The following ANO7 variants were observed in gnomAD, a reference collection of about 807,000 sequenced individuals.
ANO7 encodes anoctamin-7.
ANO7 carries 114 observed loss-of-function variants against 115.8 expected under a neutral mutation model. The ratio of observed to expected loss-of-function variants is 0.98; its 90% CI spans 0.85 to 1.15. The LOEUF is 1.15. Ranked by LOEUF, ANO7 falls within the 50% of genes most tolerant of loss-of-function variation. The pLI is 0.00. For synonymous variants in ANO7, 550 were observed against 498.2 expected (o/e 1.10, Z -1.38); for missense variants, 1,302 against 1,201.2 (o/e 1.08, Z -1.24).
Position 241,210,519 on chromosome 2 carries a change from C to T in ANO7, c.1510C>T (p.Leu504Phe). The change falls in exon 15 of 25, where the codon CTC becomes TTC. Residue 504 changes from leucine to phenylalanine, a missense_variant. Physicochemically the swap from Leu to Phe is conservative, Grantham distance 22. Coordinates refer to ENST00000674324, the MANE Select transcript of ANO7 (RefSeq NM_001370694.2). ...TGSVVNLVFI[L>F]ILSKIYVSLA... is the part of the protein sequence containing the mutation. ...GTCTGTAGTGAACCTCGTCTTCATC[C>T]TCATCCTCTCCAAGATCTATGTATC... The T allele has an allele frequency of 1.2e-6, 2 of 1,614,096 alleles. No homozygotes were observed. The highest frequency in any genetic ancestry group is 1.7e-6 in the Non-Finnish European group (2 of 1,180,010).
Position 241,188,927 on chromosome 2 carries a change from G to A in ANO7, c.-8+161G>A, listed in dbSNP as rs78248614. ...TGGTCCCCAAAGCCCCTTGGGGCAC[G>A]AGGAGGGACACACACTCAGTGCGGC... On this transcript the variant is annotated intron_variant, in intron 1 of 24. Coordinates refer to ENST00000674324, the MANE Select transcript of ANO7 (RefSeq NM_001370694.2). The surrounding 1 kb of genome is among the most constrained non-coding windows in gnomAD (Gnocchi z 4.3). Among the ~76,000 whole-genome samples, 193 of 152,338 alleles carry A rather than the reference G, an allele frequency of 1.3e-3. 1 individual carries two copies. The highest frequency in any genetic ancestry group is 0.013 in the South Asian group (61 of 4,830).
At position 241,204,178 on chromosome 2, in the gene ANO7, G is replaced by T. The variant is rs578105920; in HGVS notation, c.889+680G>T. On this transcript the variant is annotated intron_variant, in intron 9 of 24. Transcript: ENST00000674324. ...GACTCACCCGGCCATCTCAGGACCTGGAGCAGCAACCCTGGGACAGCACGG... is the reference window on the plus strand; with the variant it reads ...GACTCACCCGGCCATCTCAGGACCTTGAGCAGCAACCCTGGGACAGCACGG... 5.3e-5 allele frequency among the ~76,000 whole-genome samples: 8 copies of T among 152,322 alleles called. No individual in the cohort carries two copies. In the South Asian group the frequency reaches 1.7e-3, roughly 32 times the overall value.
chr2:241,209,424 C>A lies in ANO7; in HGVS notation c.1217C>A (p.Thr406Asn). ...YRWDCSDYED[T>N]EERPRPQFAA... ...TGGGACTGCTCTGACTACGAGGACACTGAGGTGAGCCACCCCCGCTGGACC... is the reference window on the plus strand; with the variant it reads ...TGGGACTGCTCTGACTACGAGGACAATGAGGTGAGCCACCCCCGCTGGACC... Residue 406 changes from threonine (T) to asparagine (N), a missense_variant, in exon 12 of 25, where the codon ACT (threonine) becomes AAT (asparagine). Thr to Asn is a moderately conservative substitution (Grantham distance 65). Transcript: ENST00000674324. The A allele has an allele frequency of 6.3e-7, 1 of 1,592,860 alleles. No homozygotes were observed. The highest frequency in any genetic ancestry group is 8.5e-7 in the Non-Finnish European group (1 of 1,171,032).
intron 2 of ANO7, 148 bp downstream of exon 2, chr2:241,190,319 C>T: frequency 1.5e-6 from 1 of 665,736 alleles, no homozygotes; most frequent in East Asian, 2.8e-5. Context: ...GCCCTCGCCA[C>T]CCAGTCCTCA....
Position 241,195,743 on chromosome 2 carries a change from C to T in ANO7, c.207C>T (p.Asp69=), listed in dbSNP as rs757100282. 7.4e-6 allele frequency: 12 copies of T among 1,614,130 alleles called. No individual in the cohort carries two copies. The highest frequency in any genetic ancestry group is 1.6e-4 in the Middle Eastern group (1 of 6,084). Residue 69 remains aspartate (D), a synonymous_variant, in exon 4 of 25, where the codon GAC becomes GAT. Coordinates refer to ENST00000674324, the MANE Select transcript of ANO7 (RefSeq NM_001370694.2). ...VLVWEEDLKL[D]RQQDSAARDR... is the part of the protein sequence containing the mutation. ...TTTGGGAGGAGGACCTGAAGCTAGA[C>T]AGGCAGCAGGACAGTGCCGCCCGGG...
chr2:241,223,261 C>T lies in ANO7; in HGVS notation c.2397C>T (p.Phe799=), dbSNP rs146725594. The T allele has an allele frequency of 1.1e-5, 18 of 1,614,224 alleles. No individual in the cohort carries two copies. Among genetic ancestry groups the T allele is most frequent in the Middle Eastern group, 1.6e-4 (1 of 6,062 alleles). The change falls in exon 22 of 25, where the codon TTC becomes TTT. Residue 799 remains phenylalanine, a synonymous_variant. Transcript: ENST00000674324. ...ATCTTCTTGCCATCCGCCTGGCCTT[C>T]GTCATTGTGTTTGAGGTAGCCGAGG... ...YWNLLAIRLA[F]VIVFEHVVFS...
downstream of ANO7, chr2:241,228,134 C>G (rs1184594428): frequency 6.6e-6 from 1 of 152,318 alleles, no homozygotes; most frequent in Non-Finnish European, 1.5e-5. Context: ...GCGGAAGCGA[C>G]TGTCCCCAGG....
intron 17 of ANO7, among the ~76,000 whole-genome samples, chr2:241,214,269 G>A (rs971511656): frequency 5.3e-5 from 8 of 152,326 alleles, no homozygotes; most frequent in East Asian, 3.9e-4. Context: ...TCAGGGCTAC[G>A]CGGGCTTAGG....
chr2:241,232,815 T>C, the ANO7 span, among the ~76,000 whole-genome samples: 2 of 151,502 alleles, frequency 1.3e-5, no homozygotes, highest in African/African-American at 4.9e-5. Flanking sequence ...ACTATCTCTC[T>C]CAAAAAAAAG....
At chr2:241,240,148 A>G in the ANO7 span, 2 of 1,607,928 alleles carry the variant, frequency 1.2e-6, no homozygotes, top group Non-Finnish European at 1.7e-6. This position sits in a 1 kb window ranked among gnomAD's most constrained non-coding sequence, Gnocchi z 5.5. Flanking sequence ...CCACTGTGTT[A>G]GCCTGACACC....
At position 241,217,891 on chromosome 2, in the gene ANO7, C is replaced by A; in HGVS notation, c.2178C>A (p.Asn726Lys). 1 of 1,548,808 alleles carries A rather than the reference C, an allele frequency of 6.5e-7. No homozygotes were observed. Among genetic ancestry groups the A allele is most frequent in the Non-Finnish European group, 8.7e-7 (1 of 1,153,362 alleles). Reference protein sequence around the residue: ...AGLTHLAVISNAFLLAFSSDF... With the variant: ...AGLTHLAVISKAFLLAFSSDF... ...TCACGCACCTGGCGGTCATCAGCAACGTGAGGCCCGGGCGGGAGCGCGGGG... is the reference window on the plus strand; with the variant it reads ...TCACGCACCTGGCGGTCATCAGCAAAGTGAGGCCCGGGCGGGAGCGCGGGG... Residue 726 changes from asparagine (N) to lysine (K), a missense_variant and splice_region_variant, in exon 20 of 25, where the codon AAC becomes AAA. Coordinates refer to ENST00000674324, the MANE Select transcript of ANO7 (RefSeq NM_001370694.2).
chr2:241,207,742 T>TG, intron 11 of ANO7, 72 bp downstream of exon 11: 3 of 1,410,744 alleles, frequency 2.1e-6, no homozygotes, highest in Non-Finnish European at 3.0e-6. Flanking sequence ...CTTGTCCTGG[T>TG]CCTGACTCTG....
At chr2:241,232,536 A>G in the ANO7 span, among the ~76,000 whole-genome samples, 1 of 152,208 alleles carries the variant, frequency 6.6e-6, no homozygotes, top group Non-Finnish European at 1.5e-5. Context: ...TCGGCCTCCA[A>G]AAGTGTTGGG....
Position 241,217,672 on chromosome 2 carries a change from C to T in ANO7, c.1973-14C>T, listed in dbSNP as rs111770284. The T allele has an allele frequency of 0.17, 261,994 of 1,567,634 alleles. 23,235 individuals carry two copies. The highest frequency in any genetic ancestry group is 0.18 in the Non-Finnish European group (211,549 of 1,157,422). The stretch of plus-strand genomic sequence containing the variant: ...ACGGTGGCGGAGAGCCCGGCCGTGA[C>T]CCCCTCCCCGCAGTGCTGCAGTTCG... On this transcript the variant is annotated splice_polypyrimidine_tract_variant and intron_variant, in intron 19 of 24. Coordinates refer to ENST00000674324, the MANE Select transcript of ANO7 (RefSeq NM_001370694.2).
chr2:241,237,067 G>A, the ANO7 span, among the ~76,000 whole-genome samples: 1 of 150,124 alleles, frequency 6.7e-6, no homozygotes, highest in African/African-American at 2.5e-5. Flanking sequence ...GAAGCTAACA[G>A]CAACTAACTA....
chr2:241,189,536 A>G (rs1270442316), intron 1 of ANO7, among the ~76,000 whole-genome samples: 1 of 151,976 alleles, frequency 6.6e-6, no homozygotes, highest in Non-Finnish European at 1.5e-5. Context: ...GGGACCCCCA[A>G]GAGTTGTGAG....
At chr2:241,226,239 G>T (rs942655382), downstream of ANO7, among the ~76,000 whole-genome samples, 3 of 151,974 alleles carry the variant, frequency 2.0e-5, no homozygotes, top group African/African-American at 7.3e-5. Flanking sequence ...TGGAACTGGG[G>T]ACTTTGCATT....
At chr2:241,189,194 C>A (rs370164744) in intron 1 of ANO7, among the ~76,000 whole-genome samples, 32 of 151,034 alleles carry the variant, frequency 2.1e-4, no homozygotes, top group African/African-American at 7.7e-4. Context: ...AGCCTGGGGC[C>A]GGGGCCGAGT....
the ANO7 span, among the ~76,000 whole-genome samples, chr2:241,237,524 G>A: frequency 6.6e-6 from 1 of 152,200 alleles, no homozygotes; most frequent in Non-Finnish European, 1.5e-5. Flanking sequence ...AATCAAGGGT[G>A]ATCCTAGGAT....
Sources: gnomAD v4.1 joint callset for allele counts (sites outside exome capture counted in the v4.1 genomes callset) on GRCh38, gnomAD v4.1.1 for gene constraint, Gnocchi (gnomAD v3.1) non-coding constraint, MANE v1.5 for transcripts, NCBI Gene and HGNC (gene_info 2026-07-23, HGNC 2026-07-21) for gene names.